DARS1: variants seen among roughly 807,000 people sequenced by gnomAD.
DARS1 encodes the protein aspartyl-tRNA synthetase 1.
A neutral mutation model predicts 68.8 loss-of-function variants in DARS1; 51 were observed. That is an observed-to-expected ratio of 0.74 (90% CI 0.59 to 0.94). The LOEUF (loss-of-function observed/expected upper bound fraction) is 0.94, where lower values mean the gene tolerates loss of function less well. Among genes scored for constraint, DARS1 ranks in the 40% least tolerant of loss-of-function variants. DARS1 has a pLI of 0.00. For synonymous variants in DARS1, 203 were observed against 190.4 expected (o/e 1.07, Z -0.55); for missense variants, 607 against 597.3 (o/e 1.02, Z -0.17).
At chr2:135,964,936 T>A (rs907148968) in intron 3 of DARS1, among the ~76,000 whole-genome samples, 6 of 151,896 alleles carry the variant, frequency 4.0e-5, no homozygotes, top group Non-Finnish European at 5.9e-5. Flanking sequence ...AAAATTTTTC[T>A]TATTAAAAAA....
Position 135,916,300 on chromosome 2 carries a change from T to C in DARS1, c.1032A>G (p.Leu344=), listed in dbSNP as rs1681004184. Residue 344 remains leucine, a synonymous_variant, in exon 11 of 16, where the codon CTA becomes CTG. Coordinates refer to ENST00000264161, the MANE Select transcript of DARS1 (RefSeq NM_001349.4). ...CEPFKFLEPT[L]RLEYCEALAM... Reference sequence around the variant, plus strand: ...CCAATGCTTCACAATATTCTAGTCTTAGAGTTGGCTCCAAAAATTTGAATG... The same window carrying C: ...CCAATGCTTCACAATATTCTAGTCTCAGAGTTGGCTCCAAAAATTTGAATG... The C allele has an allele frequency of 2.6e-6, 4 of 1,545,016 alleles. No individual in the cohort carries two copies. Among genetic ancestry groups the C allele is most frequent in the Non-Finnish European group, 3.6e-6 (4 of 1,116,812 alleles).
At chr2:135,967,612 C>T (rs1682265400) in intron 3 of DARS1, among the ~76,000 whole-genome samples, 1 of 152,126 alleles carries the variant, frequency 6.6e-6, no homozygotes, top group African/African-American at 2.4e-5. Context: ...TAAAAAATGT[C>T]TGAAACACTG....
rs1326428709 is a variant in DARS1 at position 135,906,382 on chromosome 2, A to G, written c.*934T>C. Among the ~76,000 whole-genome samples, 1 of 152,196 alleles carries G rather than the reference A, an allele frequency of 6.6e-6. No individual in the cohort carries two copies. The highest frequency in any genetic ancestry group is 1.5e-5 in the Non-Finnish European group (1 of 68,030). On this transcript the variant is annotated 3_prime_UTR_variant, in exon 16 of 16. Coordinates refer to ENST00000264161, the MANE Select transcript of DARS1 (RefSeq NM_001349.4). ...CAAAAATTTCTTTTTGACGGATAAG[A>G]TGGGACTGGATTTTACTGACATTCA...
At chr2:135,910,995 AAC>A (rs1159837121) in intron 15 of DARS1, 142 bp downstream of exon 15, 2 of 563,352 alleles carry the variant, frequency 3.6e-6, no homozygotes, top group Non-Finnish European at 6.4e-6. Context: ...AATATTTTAT[AAC>A]ACACAAGTTA....
At chr2:135,912,459 TG>T (rs778590032) in intron 13 of DARS1, 26 bp downstream of exon 13, 1 of 792,352 alleles carries the variant, frequency 1.3e-6, no homozygotes, top group African/African-American at 1.8e-5. Flanking sequence ...TGCCTCAAAA[TG>T]GGTTACTTAA....
intron 2 of DARS1, chr2:135,980,296 T>A (rs1044174778): frequency 6.6e-6 from 1 of 152,240 alleles, no homozygotes; most frequent in Non-Finnish European, 1.5e-5. Flanking sequence ...TTTGCTACTC[T>A]TCTAAATGCA....
intron 5 of DARS1, among the ~76,000 whole-genome samples, chr2:135,940,175 T>C (rs1280901521): frequency 2.0e-5 from 3 of 152,190 alleles, no homozygotes; most frequent in Non-Finnish European, 1.5e-5. Context: ...AGCATCATCC[T>C]GATACCAAAG....
intron 7 of DARS1, among the ~76,000 whole-genome samples, chr2:135,926,330 T>C (rs964252183): frequency 6.6e-6 from 1 of 152,240 alleles, no homozygotes; most frequent in Non-Finnish European, 1.5e-5. Context: ...CAAACAACTA[T>C]GTTAATGTGT....
intron 7 of DARS1, 66 bp downstream of exon 7, chr2:135,932,717 G>C: frequency 1.2e-6 from 1 of 813,362 alleles, no homozygotes; most frequent in Non-Finnish European, 2.1e-6. Context: ...CCTGAGACAG[G>C]TATGGTATCC....
chr2:135,984,041 G>T (rs1006204245), intron 1 of DARS1, among the ~76,000 whole-genome samples: 1 of 152,180 alleles, frequency 6.6e-6, no homozygotes, highest in South Asian at 2.1e-4. Context: ...GGTTACAGGA[G>T]TTTGACACTG....
At chr2:135,915,104 A>G (rs984115735) in intron 11 of DARS1, among the ~76,000 whole-genome samples, 3 of 152,098 alleles carry the variant, frequency 2.0e-5, no homozygotes, top group Admixed American at 1.3e-4. Flanking sequence ...CCATATATAT[A>G]TATTTTTTTT....
At chr2:135,924,285 T>C (rs1575387085) in intron 8 of DARS1, 102 bp downstream of exon 8, 3 of 1,300,630 alleles carry the variant, frequency 2.3e-6, no homozygotes, top group East Asian at 2.8e-5. Flanking sequence ...TAAACCTTAA[T>C]GGACACTTGG....
chr2:135,942,448 G>A (rs2104818324), intron 5 of DARS1, among the ~76,000 whole-genome samples: 1 of 140,072 alleles, frequency 7.1e-6, no homozygotes, highest in African/African-American at 2.7e-5. Flanking sequence ...GGTGGGAATT[G>A]AACAATGAGA....
intron 5 of DARS1, 25 bp downstream of exon 5, chr2:135,943,353 G>A (rs773513501): frequency 3.0e-5 from 48 of 1,600,302 alleles, no homozygotes; most frequent in East Asian, 4.5e-5. Context: ...TTCTATATGC[G>A]ATTTTATATT....
At chr2:135,937,915 C>T (rs1681505547) in intron 5 of DARS1, among the ~76,000 whole-genome samples, 1 of 152,196 alleles carries the variant, frequency 6.6e-6, no homozygotes, top group South Asian at 2.1e-4. Flanking sequence ...TCTCTGGCTG[C>T]CCTTAACATT....
At position 135,943,490 on chromosome 2, in the gene DARS1, G is replaced by GA; in HGVS notation, c.321-11dup. On this transcript the variant is annotated splice_polypyrimidine_tract_variant and intron_variant, in intron 4 of 15. Coordinates refer to ENST00000264161, the MANE Select transcript of DARS1 (RefSeq NM_001349.4). ...GCTCTCTTTGTTGATGCTGTCAAGAGAAAAAATTCCCAACTTGAATCATCT... is the reference window on the plus strand; with the variant it reads ...GCTCTCTTTGTTGATGCTGTCAAGAGAAAAAAATTCCCAACTTGAATCATCT... 6.2e-7 allele frequency: 1 copy of GA among 1,608,644 alleles called. No individual in the cohort carries two copies.
chr2:135,962,079 T>C (rs1395893144), intron 3 of DARS1, among the ~76,000 whole-genome samples: 1 of 152,210 alleles, frequency 6.6e-6, no homozygotes, highest in Non-Finnish European at 1.5e-5. Context: ...ATCACCTTCC[T>C]AGTCCTTCAT....
chr2:135,961,086 C>T (rs1682090193), intron 4 of DARS1, among the ~76,000 whole-genome samples: 2 of 152,092 alleles, frequency 1.3e-5, no homozygotes, highest in Admixed American at 1.3e-4. Context: ...TGAAGCTCAA[C>T]AAACACAACA....
At chr2:135,981,043 G>A (rs1246759707) in intron 2 of DARS1, among the ~76,000 whole-genome samples, 1 of 152,170 alleles carries the variant, frequency 6.6e-6, no homozygotes, top group African/African-American at 2.4e-5. Context: ...AGTGATTAAT[G>A]CAGAGAAATG....
Sources: allele counts gnomAD v4.1 joint callset (sites outside exome capture counted in the v4.1 genomes callset), GRCh38; gene constraint gnomAD v4.1.1; transcripts MANE v1.5; gene names NCBI Gene and HGNC (gene_info 2026-07-23, HGNC 2026-07-21).